The following SRPRA variants were observed in gnomAD, a reference collection of about 807,000 sequenced individuals.
The protein encoded by SRPRA is SRP receptor subunit alpha, also known as signal recognition particle receptor subunit alpha.
SRPRA carries 30 observed loss-of-function variants against 61.1 expected under a neutral mutation model. That is an observed-to-expected ratio of 0.49 (90% CI 0.37 to 0.67). The LOEUF is 0.67. Among genes scored for constraint, SRPRA ranks in the 30% least tolerant of loss-of-function variants. The pLI is 0.00. For synonymous variants in SRPRA, 324 were observed against 299.7 expected (o/e 1.08, Z -0.84); for missense variants, 759 against 828.4 (o/e 0.92, Z 1.03).
downstream of SRPRA, among the ~76,000 whole-genome samples, chr11:126,258,097 G>A (rs138326491): frequency 5.9e-4 from 90 of 152,294 alleles, no homozygotes; most frequent in African/African-American, 2.1e-3. Flanking sequence ...TTGTCAACCT[G>A]AATGCATCTT....
downstream of SRPRA, among the ~76,000 whole-genome samples, chr11:126,259,881 C>T (rs1002906256): frequency 4.0e-5 from 6 of 151,420 alleles, no homozygotes; most frequent in Non-Finnish European, 8.8e-5. Context: ...CCACCACACC[C>T]GGCTAATTTT....
At position 126,264,160 on chromosome 11, in the gene SRPRA, C is replaced by G. The variant is rs370660951; in HGVS notation, c.1788+31G>C. 4.3e-6 allele frequency: 7 copies of G among 1,611,882 alleles called. No homozygotes were observed. The highest frequency in any genetic ancestry group is 1.3e-5 in the African/African-American group (1 of 74,888). On this transcript the variant is annotated intron_variant, in intron 13 of 13. Coordinates refer to ENST00000332118, the MANE Select transcript of SRPRA (RefSeq NM_003139.4). This position sits in a 1 kb window ranked among gnomAD's most constrained non-coding sequence, Gnocchi z 5.0. ...GCAGCCTCAGCTCCTTTGTGCAGGA[C>G]GCCCATTCCAGCCTCCAGTCTCACG...
downstream of SRPRA, chr11:126,261,546 G>C: frequency 7.2e-7 from 1 of 1,388,542 alleles, no homozygotes; most frequent in South Asian, 1.2e-5. Flanking sequence ...TAGGTCCTTG[G>C]TTAAGAATAT....
downstream of SRPRA, chr11:126,262,346 T>TAAA: frequency 4.2e-6 from 2 of 471,128 alleles, no homozygotes; most frequent in Non-Finnish European, 3.8e-6. Context: ...AGTTCAAGAA[T>TAAA]AAAAGCGACA....
At position 126,263,872 on chromosome 11, in the gene SRPRA, G is replaced by A. The variant is rs756569756; in HGVS notation, c.*44C>T. On this transcript the variant is annotated 3_prime_UTR_variant, in exon 14 of 14. Coordinates refer to ENST00000332118, the MANE Select transcript of SRPRA (RefSeq NM_003139.4). Reference sequence around the variant, plus strand: ...AGCACATTCTTGATACAGGAAGAAGGGCTTGTGGGGAAAGCGGCGATTTGG... The same window carrying A: ...AGCACATTCTTGATACAGGAAGAAGAGCTTGTGGGGAAAGCGGCGATTTGG... 7 of 1,609,332 alleles carry A rather than the reference G, an allele frequency of 4.3e-6. No individual in the cohort carries two copies. The South Asian group carries it at 7.7e-5, about 18-fold the overall frequency.
In SRPRA at chr11:126,267,935, A is replaced by G; in HGVS notation, c.201+68T>C. 2.6e-6 allele frequency: 4 copies of G among 1,538,328 alleles called. No homozygotes were observed. The highest frequency in any genetic ancestry group is 2.7e-6 in the Non-Finnish European group (3 of 1,112,316). ...TCATCATATACACTGGCTGCAATTA[A>G]TCAGAGTTCTCTTAAAAATCAGGGC... On this transcript the variant is annotated intron_variant, in intron 2 of 13. Transcript: ENST00000332118. The surrounding 1 kb of genome is among the most constrained non-coding windows in gnomAD (Gnocchi z 4.2).
the SRPRA span, among the ~76,000 whole-genome samples, chr11:126,246,880 A>T: frequency 1.7e-4 from 26 of 152,160 alleles, no homozygotes; most frequent in African/African-American, 6.0e-4. Flanking sequence ...TTATGTTTTC[A>T]TTCCTTTGTC....
the SRPRA span, chr11:126,245,333 C>A: frequency 1.3e-5 from 2 of 151,790 alleles, no homozygotes; most frequent in African/African-American, 4.8e-5. Context: ...CTAGGGTAGC[C>A]AAGACCGTCT....
downstream of SRPRA, chr11:126,262,119 G>A (rs1335992907): frequency 1.9e-6 from 3 of 1,614,060 alleles, no homozygotes; most frequent in Non-Finnish European, 8.5e-7. Flanking sequence ...TCTCCCTACA[G>A]GCTGTAGTAC....
In SRPRA at chr11:126,264,048, A is replaced by AG; in HGVS notation, c.1789-5dup. ...TCATAGAAATAGCAGCTCCCACCTA[A>AG]GTGGAGAAAGAGGACAGCCCATCAA... On this transcript the variant is annotated splice_polypyrimidine_tract_variant and splice_region_variant and intron_variant, in intron 13 of 13. Transcript: ENST00000332118. The surrounding 1 kb of genome is among the most constrained non-coding windows in gnomAD (Gnocchi z 5.0). 2 of 1,614,114 alleles carry AG rather than the reference A, an allele frequency of 1.2e-6. No homozygotes were observed. The highest frequency in any genetic ancestry group is 4.5e-5 in the East Asian group (2 of 44,880).
chr11:126,241,162 G>T, the SRPRA span: 2 of 1,111,566 alleles, frequency 1.8e-6, 1 homozygote, highest in South Asian at 3.3e-5. Context: ...TTCATTTACA[G>T]CTTGTAGGTT....
rs1950793539 is a variant in SRPRA at position 126,265,610 on chromosome 11, C to G, written c.1138+127G>C. The G allele has an allele frequency of 1.6e-6, 2 of 1,250,376 alleles. No individual in the cohort carries two copies. Among genetic ancestry groups the G allele is most frequent in the African/African-American group, 3.0e-5 (2 of 67,456 alleles). 77.5% of individuals were successfully genotyped at this position (1,250,376 alleles called of 1,614,324 possible). A position where few individuals can be genotyped will look rare whatever the true frequency, so the allele number is the denominator to read the frequency against. ...CTAACTCACTGAATCCTCTCAATAA[C>G]CCTTAAAATCTAGGTTACAGAGGTT... On this transcript the variant is annotated intron_variant, in intron 9 of 13. Coordinates refer to ENST00000332118, the MANE Select transcript of SRPRA (RefSeq NM_003139.4). This position sits in a 1 kb window ranked among gnomAD's most constrained non-coding sequence, Gnocchi z 6.3.
downstream of SRPRA, chr11:126,261,614 A>G (rs1950701220): frequency 1.5e-6 from 1 of 677,488 alleles, no homozygotes; most frequent in Admixed American, 2.6e-5. Context: ...GTAGAGAATG[A>G]TTTTCCTCTC....
In SRPRA at chr11:126,264,185, G is replaced by T. The variant is rs139871574; in HGVS notation, c.1788+6C>A. 5 of 1,613,824 alleles carry T rather than the reference G, an allele frequency of 3.1e-6. No individual in the cohort carries two copies. Among genetic ancestry groups the T allele is most frequent in the Non-Finnish European group, 4.2e-6 (5 of 1,179,864 alleles). On this transcript the variant is annotated splice_donor_region_variant and intron_variant, in intron 13 of 13. Coordinates refer to ENST00000332118, the MANE Select transcript of SRPRA (RefSeq NM_003139.4). The surrounding 1 kb of genome is among the most constrained non-coding windows in gnomAD (Gnocchi z 5.0). ...CGCCCATTCCAGCCTCCAGTCTCAC[G>T]TTTACCTTGTCATCAATGGTATCAA...
chr11:126,247,929 A>C, the SRPRA span, among the ~76,000 whole-genome samples: 4 of 146,948 alleles, frequency 2.7e-5, no homozygotes, highest in Non-Finnish European at 4.5e-5. Flanking sequence ...ACGTATATCT[A>C]TATATATATT....
rs1201135753 is a variant in SRPRA, at chr11:126,265,779, C to G, written c.1096G>C (p.Val366Leu). Residue 366 changes from valine to leucine, a missense_variant, in exon 9 of 14, where the codon GTT becomes CTT. This residue lies in a region of SRPRA where 475 missense variants were observed against 462.5 expected (regional missense o/e 1.03). Coordinates refer to ENST00000332118, the MANE Select transcript of SRPRA (RefSeq NM_003139.4). The surrounding 1 kb of genome is among the most constrained non-coding windows in gnomAD (Gnocchi z 6.3). ...ADIAVQLCES[V>L]ANKLEGKVMG... ...ACCTTCCCTTCCAACTTGTTGGCAA[C>G]AGATTCACAGAGCTGGACGGCAATG... The G allele has an allele frequency of 3.1e-6, 5 of 1,614,098 alleles. No individual in the cohort carries two copies.
chr11:126,259,672 G>A (rs1336684158), downstream of SRPRA, among the ~76,000 whole-genome samples: 6 of 147,154 alleles, frequency 4.1e-5, no homozygotes, highest in East Asian at 2.1e-4. Context: ...TGATCCACCC[G>A]CCCTGGCCTC....
chr11:126,253,492 T>G, the SRPRA span, among the ~76,000 whole-genome samples: 1 of 152,240 alleles, frequency 6.6e-6, no homozygotes, highest in Non-Finnish European at 1.5e-5. The surrounding 1 kb of genome is among the most constrained non-coding windows in gnomAD (Gnocchi z 5.1). Context: ...TTTAGGTTCC[T>G]CAGAGGTGAC....
At chr11:126,238,913 G>T in the SRPRA span, among the ~76,000 whole-genome samples, 1 of 149,648 alleles carries the variant, frequency 6.7e-6, no homozygotes, top group Non-Finnish European at 1.5e-5. Flanking sequence ...TTATTTGGTG[G>T]TTTACAAAGA....
Sources: allele counts gnomAD v4.1 joint callset (sites outside exome capture counted in the v4.1 genomes callset), GRCh38; gene constraint gnomAD v4.1.1; regional missense constraint gnomAD v4.1.1; non-coding constraint Gnocchi (gnomAD v3.1); transcripts MANE v1.5; gene names NCBI Gene and HGNC (gene_info 2026-07-23, HGNC 2026-07-21).